GLIS3: variants seen among roughly 807,000 people sequenced by gnomAD.
GLIS3 encodes zinc finger protein GLIS3.
Under a neutral mutation model 78.6 loss-of-function variants are expected in GLIS3, and 53 were observed. The observed-to-expected ratio is 0.67, with a 90% CI of 0.54 to 0.85. The LOEUF is 0.85. GLIS3 is among the 40% of genes least tolerant of loss of function. The pLI is 0.00. For synonymous variants in GLIS3, 684 were observed against 509.9 expected (o/e 1.34, Z -4.60); for missense variants, 1,703 against 1,231.1 (o/e 1.38, Z -5.74).
At chr9:4,160,584 G>A (rs1835395656) in intron 2 of GLIS3, among the ~76,000 whole-genome samples, 1 of 152,200 alleles carries the variant, frequency 6.6e-6, no homozygotes, top group Admixed American at 6.5e-5. Flanking sequence ...GGAACCAAAT[G>A]AGTCCACGTT....
chr9:4,335,936 C>T (rs866302562), intron 2 of GLIS3, among the ~76,000 whole-genome samples: 2 of 152,090 alleles, frequency 1.3e-5, no homozygotes, highest in Admixed American at 6.6e-5. Flanking sequence ...TAAAAATTTG[C>T]GGACTTCGGT....
chr9:4,101,399 C>G (rs891598873), intron 4 of GLIS3, among the ~76,000 whole-genome samples: 2 of 152,118 alleles, frequency 1.3e-5, no homozygotes, highest in African/African-American at 4.8e-5. Context: ...GCTGTTCTTA[C>G]TTAATTTTGT....
chr9:4,281,729 T>C (rs2130293002), intron 2 of GLIS3, among the ~76,000 whole-genome samples: 1 of 152,342 alleles, frequency 6.6e-6, no homozygotes, highest in African/African-American at 2.4e-5. Context: ...CAAAAGTACT[T>C]GCTGCTTCTA....
the GLIS3 span, among the ~76,000 whole-genome samples, chr9:4,415,227 A>C: frequency 1.3e-5 from 2 of 152,190 alleles, no homozygotes; most frequent in African/African-American, 4.8e-5. Flanking sequence ...TCCCTCAGAC[A>C]AAGTCCTGGT....
intron 8 of GLIS3, among the ~76,000 whole-genome samples, chr9:3,876,333 A>G (rs995611388): frequency 3.3e-5 from 5 of 152,018 alleles, no homozygotes; most frequent in African/African-American, 1.2e-4. Context: ...TAAAAATTAA[A>G]TGCACTGTGA....
chr9:4,106,029 G>A (rs886460562), intron 4 of GLIS3, among the ~76,000 whole-genome samples: 9 of 152,232 alleles, frequency 5.9e-5, no homozygotes, highest in Admixed American at 4.6e-4. Context: ...CTCAATTTAC[G>A]ATGCAGTTTG....
chr9:4,366,310 G>T, the GLIS3 span, among the ~76,000 whole-genome samples: 2 of 152,156 alleles, frequency 1.3e-5, no homozygotes, highest in Non-Finnish European at 2.9e-5. Context: ...CTAGAAAAGA[G>T]TAGACTTCTT....
intron 4 of GLIS3, among the ~76,000 whole-genome samples, chr9:4,043,039 C>G (rs947977225): frequency 3.3e-5 from 5 of 151,904 alleles, no homozygotes; most frequent in African/African-American, 1.2e-4. Context: ...TATTCTTCTA[C>G]TAAGAACCCA....
the GLIS3 span, among the ~76,000 whole-genome samples, chr9:4,370,689 A>G: frequency 6.7e-6 from 1 of 149,554 alleles, no homozygotes; most frequent in East Asian, 1.9e-4. Flanking sequence ...AGTGTATTTT[A>G]TATTCTGTAA....
At position 4,134,607 on chromosome 9, in the gene GLIS3, T is replaced by C. The variant is rs538916398; in HGVS notation, c.389-8666A>G. Among the ~76,000 whole-genome samples the C allele has an allele frequency of 1.1e-3, 166 of 152,288 alleles. 1 individual carries two copies. Among genetic ancestry groups the C allele is most frequent in the Admixed American group, 3.1e-3 (48 of 15,280 alleles). Reference sequence around the variant, plus strand: ...GATGTGCCTGCTCAGTAAAGAGTAGTTGTAATTTTTGTTAATGTTATTGTC... The same window carrying C: ...GATGTGCCTGCTCAGTAAAGAGTAGCTGTAATTTTTGTTAATGTTATTGTC... On this transcript the variant is annotated intron_variant, in intron 2 of 10. Transcript: ENST00000381971.
Position 4,219,775 on chromosome 9 carries a change from C to T in GLIS3, c.388+66263G>A, listed in dbSNP as rs1383218747. Among the ~76,000 whole-genome samples the T allele has an allele frequency of 5.3e-5, 8 of 152,250 alleles. No individual in the cohort carries two copies. In the South Asian group the frequency reaches 6.2e-4, roughly 12 times the overall value. ...GGGGCTTTGGCTGGTATCGGCAGCA[C>T]GTGCAGCAGGTCCACGCAGAGCAAA... On this transcript the variant is annotated intron_variant, in intron 2 of 10. Coordinates refer to ENST00000381971, the MANE Select transcript of GLIS3 (RefSeq NM_001042413.2).
chr9:4,350,450 A>G (rs1469037157), upstream of GLIS3, among the ~76,000 whole-genome samples: 1 of 152,258 alleles, frequency 6.6e-6, no homozygotes, highest in Non-Finnish European at 1.5e-5. Flanking sequence ...CAAGTAATAG[A>G]AAATTTCTTT....
Position 4,286,414 on chromosome 9 carries a change from T to C in GLIS3, c.12A>G (p.Arg4=). The change falls in exon 2 of 11, where the codon AGA becomes AGG. Residue 4 remains arginine, a synonymous_variant. Transcript: ENST00000381971. MNG[R]SCSMSLHRTS... ...TCCGGTGGAGACTCATGCTGCATGA[T>C]CTTCCATTCATTCTGAAAAACCTGT... 6.2e-7 allele frequency: 1 copy of C among 1,614,044 alleles called. No homozygotes were observed. The highest frequency in any genetic ancestry group is 8.5e-7 in the Non-Finnish European group (1 of 1,180,040).
At chr9:4,251,870 G>C (rs544067246) in intron 2 of GLIS3, among the ~76,000 whole-genome samples, 2 of 152,158 alleles carry the variant, frequency 1.3e-5, no homozygotes, top group African/African-American at 4.8e-5. Flanking sequence ...AAGAGGCTTA[G>C]TTTGGCTGGA....
chr9:4,294,556 T>G (rs1025200737), intron 1 of GLIS3, among the ~76,000 whole-genome samples: 5 of 151,928 alleles, frequency 3.3e-5, no homozygotes, highest in Non-Finnish European at 7.4e-5. Context: ...CCACATCACA[T>G]GCTTAGCACA....
chr9:4,107,628 CTT>C (rs1830864223), intron 4 of GLIS3, among the ~76,000 whole-genome samples: 1 of 152,076 alleles, frequency 6.6e-6, no homozygotes, highest in Non-Finnish European at 1.5e-5. Context: ...TCATTTGCCT[CTT>C]TAAATATCAT....
chr9:4,026,368 G>A (rs1306446440), intron 4 of GLIS3, among the ~76,000 whole-genome samples: 1 of 152,132 alleles, frequency 6.6e-6, no homozygotes, highest in Non-Finnish European at 1.5e-5. Flanking sequence ...GAATAATAAT[G>A]CTTTTCTGTT....
Position 4,200,578 on chromosome 9 carries a change from A to C in GLIS3, c.389-74637T>G, listed in dbSNP as rs138674914. 1.1e-4 allele frequency among the ~76,000 whole-genome samples: 16 copies of C among 152,322 alleles called. 1 individual carries two copies. The highest frequency in any genetic ancestry group is 3.8e-4 in the African/African-American group (16 of 41,574). The stretch of plus-strand genomic sequence containing the variant: ...CTGAAGGAAATAGATAAATTCCTGG[A>C]AACACACAATCTGCCAAAATTGAAA... On this transcript the variant is annotated intron_variant, in intron 2 of 10. Coordinates refer to ENST00000381971, the MANE Select transcript of GLIS3 (RefSeq NM_001042413.2).
upstream of GLIS3, among the ~76,000 whole-genome samples, chr9:4,300,421 C>A (rs979837058): frequency 6.6e-6 from 1 of 152,012 alleles, no homozygotes; most frequent in African/African-American, 2.4e-5. Context: ...CAAAAAAATC[C>A]GGTAGTAATA....
Sources: allele counts gnomAD v4.1 joint callset (sites outside exome capture counted in the v4.1 genomes callset), GRCh38; gene constraint gnomAD v4.1.1; transcripts MANE v1.5; gene names NCBI Gene and HGNC (gene_info 2026-07-23, HGNC 2026-07-21).